Variants in SRBD1 observed in about 807,000 individuals in gnomAD.
The protein encoded by SRBD1 is S1 RNA binding domain 1.
A neutral mutation model predicts 115.3 loss-of-function variants in SRBD1; 88 were observed. The observed-to-expected ratio is 0.76, with a 90% CI of 0.64 to 0.91. SRBD1 has a LOEUF of 0.91. Among genes scored for constraint, SRBD1 ranks in the 40% least tolerant of loss-of-function variants. The probability of loss-of-function intolerance (pLI) is 0.00; values close to 1 mark genes in which losing one functional copy is unlikely to be tolerated. For synonymous variants in SRBD1, 509 were observed against 407.7 expected (o/e 1.25, Z -2.99); for missense variants, 1,385 against 1,177.4 (o/e 1.18, Z -2.58).
intron 16 of SRBD1, among the ~76,000 whole-genome samples, chr2:45,432,426 G>T (rs560857506): frequency 6.6e-6 from 1 of 152,284 alleles, no homozygotes; most frequent in East Asian, 1.9e-4. Flanking sequence ...TGACATTAAA[G>T]CAGAGGCATT....
chr2:45,596,318 G>C (rs1218420398), intron 4 of SRBD1, among the ~76,000 whole-genome samples: 4 of 152,056 alleles, frequency 2.6e-5, no homozygotes, highest in Non-Finnish European at 5.9e-5. Flanking sequence ...TTTCCAAAAG[G>C]CTTTGTTTAG....
chr2:45,562,798 A>T, intron 9 of SRBD1, 42 bp from the exon 10 acceptor site: 1 of 1,369,436 alleles, frequency 7.3e-7, no homozygotes, highest in African/African-American at 1.5e-5. Context: ...TCCACAAAAT[A>T]TATGAAACAA....
At chr2:45,545,235 G>C (rs765310498) in intron 14 of SRBD1, among the ~76,000 whole-genome samples, 1 of 134,764 alleles carries the variant, frequency 7.4e-6, no homozygotes, top group African/African-American at 2.8e-5. Flanking sequence ...AGCCAAGATT[G>C]TGCCACTGCA....
chr2:45,503,221 A>AAAGAG (rs1278907502), intron 14 of SRBD1, among the ~76,000 whole-genome samples: 1 of 152,000 alleles, frequency 6.6e-6, no homozygotes, highest in Non-Finnish European at 1.5e-5. Context: ...TCCATGAAGA[A>AAAGAG]AACTTGCAAC....
intron 14 of SRBD1, among the ~76,000 whole-genome samples, chr2:45,542,545 T>C (rs556874081): frequency 6.6e-6 from 1 of 152,298 alleles, no homozygotes; most frequent in South Asian, 2.1e-4. Flanking sequence ...CAGCAGCTGC[T>C]CCAGATGGGC....
intron 10 of SRBD1, among the ~76,000 whole-genome samples, chr2:45,557,848 A>T (rs111943682): frequency 6.6e-6 from 1 of 152,214 alleles, no homozygotes; most frequent in Non-Finnish European, 1.5e-5. Context: ...ATACATCTGA[A>T]TAAAACTAAG....
chr2:45,440,223 A>C (rs1668622970), intron 16 of SRBD1, among the ~76,000 whole-genome samples: 1 of 152,154 alleles, frequency 6.6e-6, no homozygotes, highest in Non-Finnish European at 1.5e-5. Flanking sequence ...CTTCTTTATG[A>C]ATCATGAAAC....
chr2:45,539,248 A>G (rs1213038963), intron 14 of SRBD1, among the ~76,000 whole-genome samples: 1 of 152,180 alleles, frequency 6.6e-6, no homozygotes, highest in East Asian at 1.9e-4. Context: ...CTAAAAAAAA[A>G]AAATGAAGTA....
intron 14 of SRBD1, among the ~76,000 whole-genome samples, chr2:45,524,276 AC>A (rs900424150): frequency 2.6e-5 from 4 of 152,058 alleles, no homozygotes; most frequent in African/African-American, 9.6e-5. Context: ...CTTCTATTCA[AC>A]ACTGCATTGA....
chr2:45,475,425 C>G (rs547968466), intron 16 of SRBD1, among the ~76,000 whole-genome samples: 3 of 152,184 alleles, frequency 2.0e-5, no homozygotes, highest in Non-Finnish European at 4.4e-5. Flanking sequence ...GCCACCCCCC[C>G]TTGCTTAAAC....
chr2:45,424,260 A>T (rs1015248616), intron 16 of SRBD1, among the ~76,000 whole-genome samples: 1 of 152,152 alleles, frequency 6.6e-6, no homozygotes, highest in Admixed American at 6.5e-5. Flanking sequence ...ATGGTTCCCA[A>T]TGATCCTCAA....
intron 16 of SRBD1, among the ~76,000 whole-genome samples, chr2:45,469,799 A>C (rs762676188): frequency 4.6e-5 from 7 of 152,214 alleles, no homozygotes; most frequent in Non-Finnish European, 8.8e-5. Context: ...TGAATGAAAT[A>C]TCTGAATTGC....
intron 14 of SRBD1, 86 bp from the exon 15 acceptor site, chr2:45,488,417 G>GAAA (rs67396287): frequency 1.1e-3 from 903 of 834,762 alleles, no homozygotes; most frequent in Non-Finnish European, 1.4e-3. Context: ...GGCATTACCA[G>GAAA]AAAAAAAAAA....
chr2:45,591,920 T>C (rs1404172959), intron 4 of SRBD1, among the ~76,000 whole-genome samples: 3 of 152,154 alleles, frequency 2.0e-5, no homozygotes, highest in African/African-American at 7.2e-5. Context: ...CAGTGTGATA[T>C]GGTTTGGCTA....
At chr2:45,485,071 G>C (rs544364888) in intron 15 of SRBD1, among the ~76,000 whole-genome samples, 1 of 152,316 alleles carries the variant, frequency 6.6e-6, no homozygotes, top group South Asian at 2.1e-4. Context: ...TTGAGTACCT[G>C]TTTTCAATTT....
chr2:45,552,808 T>A (rs542016523), intron 11 of SRBD1, among the ~76,000 whole-genome samples: 31 of 152,284 alleles, frequency 2.0e-4, no homozygotes, highest in African/African-American at 7.5e-4. Flanking sequence ...GTGTCTTTTT[T>A]AATAGTACCT....
chr2:45,517,435 C>G (rs188505121), intron 14 of SRBD1, among the ~76,000 whole-genome samples: 1 of 152,226 alleles, frequency 6.6e-6, no homozygotes, highest in Admixed American at 6.5e-5. Context: ...AGCAGAGCAA[C>G]TAAAAGCAGA....
chr2:45,595,982 AT>A (rs1673882665), intron 4 of SRBD1, among the ~76,000 whole-genome samples: 1 of 152,156 alleles, frequency 6.6e-6, no homozygotes. Flanking sequence ...AGCTGTCAAC[AT>A]TCACTTCAAA....
intron 16 of SRBD1, among the ~76,000 whole-genome samples, chr2:45,472,974 A>G (rs1222827407): frequency 6.7e-6 from 1 of 149,320 alleles, no homozygotes; most frequent in East Asian, 1.9e-4. Flanking sequence ...TTTCTTTAGG[A>G]GTGTCTCTTG....
Sources: allele counts gnomAD v4.1 joint callset (sites outside exome capture counted in the v4.1 genomes callset), GRCh38; gene constraint gnomAD v4.1.1; transcripts MANE v1.5; gene names NCBI Gene and HGNC (gene_info 2026-07-23, HGNC 2026-07-21).